ZNF428: variants seen among roughly 807,000 people sequenced by gnomAD.
The protein encoded by ZNF428 is zinc finger protein 428.
Under a neutral mutation model 15.6 loss-of-function variants are expected in ZNF428, and 5 were observed. The observed-to-expected ratio is 0.32, with a 90% confidence interval of 0.17 to 0.67. The LOEUF (loss-of-function observed/expected upper bound fraction) is 0.67. ZNF428 is among the 30% of genes least tolerant of loss of function. The pLI is 0.73. For missense variants in ZNF428, 237 were observed against 256.0 expected (o/e 0.93, Z 0.51); for synonymous variants, 97 against 102.2 (o/e 0.95, Z 0.31).
chr19:43,613,057 C>G (rs1410190923), intron 2 of ZNF428: 1 of 1,551,408 alleles, frequency 6.4e-7, no homozygotes, highest in African/African-American at 1.4e-5. Flanking sequence ...GAAACCATAG[C>G]AGGGCAAGAA....
At position 43,607,382 on chromosome 19, in the gene ZNF428, C is replaced by T; in HGVS notation, c.*235G>A. 3.9e-6 allele frequency: 2 copies of T among 513,406 alleles called. No homozygotes were observed. The highest frequency in any genetic ancestry group is 6.6e-6 in the Non-Finnish European group (2 of 301,850). 31.8% of individuals were successfully genotyped at this position (513,406 alleles called of 1,614,324 possible). On this transcript the variant is annotated 3_prime_UTR_variant, in exon 3 of 3. Transcript: ENST00000300811. The surrounding 1 kb of genome is among the most constrained non-coding windows in gnomAD (Gnocchi z 5.1). ...GGAGCCCAGGGGGAATACACACACA[C>T]ACACACACACACAAACACACACACG... is the stretch of plus-strand genomic sequence containing the variant.
chr19:43,612,631 A>T lies in ZNF428; in HGVS notation c.76+1598T>A, dbSNP rs980965496. On this transcript the variant is annotated intron_variant, in intron 2 of 2. Coordinates refer to ENST00000300811, the MANE Select transcript of ZNF428 (RefSeq NM_182498.4). The surrounding 1 kb of genome is among the most constrained non-coding windows in gnomAD (Gnocchi z 4.2). ...CTTCACAGCAAAAAGGGAGCCGGGG[A>T]AAGAGTTACGGCCGGCCTAGAACCA... 2.6e-6 allele frequency: 4 copies of T among 1,551,492 alleles called. No individual in the cohort carries two copies. The highest frequency in any genetic ancestry group is 2.6e-6 in the Non-Finnish European group (3 of 1,146,960).
rs558259040 is a variant in ZNF428, at chr19:43,612,710, C to T, written c.76+1519G>A. 1.9e-4 allele frequency: 293 copies of T among 1,551,604 alleles called. No homozygotes were observed. The highest frequency in any genetic ancestry group is 2.1e-4 in the Non-Finnish European group (242 of 1,146,990). ...TAGAAATCTGAGCAAGAAGAGTTAC[C>T]GCCCACCAGGAGGCTCAGGTATAGG... is the stretch of plus-strand genomic sequence containing the variant. On this transcript the variant is annotated intron_variant, in intron 2 of 2. Transcript: ENST00000300811. This position sits in a 1 kb window ranked among gnomAD's most constrained non-coding sequence, Gnocchi z 4.2.
rs1262609298 is a variant in ZNF428 at position 43,612,131 on chromosome 19, C to A, written c.76+2098G>T. On this transcript the variant is annotated intron_variant, in intron 2 of 2. Coordinates refer to ENST00000300811, the MANE Select transcript of ZNF428 (RefSeq NM_182498.4). This position sits in a 1 kb window ranked among gnomAD's most constrained non-coding sequence, Gnocchi z 4.2. ...CCCTTTTGCGCCCACCATGTCTTCA[C>A]CTAAGAGATCTTCAAAGCCCAGTAT... The A allele has an allele frequency of 1.3e-6, 2 of 1,551,516 alleles. No homozygotes were observed. Among genetic ancestry groups the A allele is most frequent in the Non-Finnish European group, 8.7e-7 (1 of 1,146,832 alleles).
chr19:43,607,882 A>C lies in ZNF428; in HGVS notation c.302T>G (p.Leu101Arg). 1 of 1,558,860 alleles carries C rather than the reference A, an allele frequency of 6.4e-7. No individual in the cohort carries two copies. The highest frequency in any genetic ancestry group is 8.7e-7 in the Non-Finnish European group (1 of 1,151,358). Residue 101 changes from leucine (L) to arginine (R), a missense_variant, in exon 3 of 3, where the codon CTT (leucine) becomes CGT (arginine). Physicochemically the swap from Leu to Arg is moderately radical, Grantham distance 102. Transcript: ENST00000300811. This position sits in a 1 kb window ranked among gnomAD's most constrained non-coding sequence, Gnocchi z 5.1. ...TGGGGTTCCCGGTGGGGCCTCCCCAAGGGGTGAGCGGCCACAGAGCTGGCA... is the reference window on the plus strand; with the variant it reads ...TGGGGTTCCCGGTGGGGCCTCCCCACGGGGTGAGCGGCCACAGAGCTGGCA... ...QPCQLCGRSP[L>R]GEAPPGTPPC...
At chr19:43,618,647 C>G (rs1172968062) in intron 1 of ZNF428, among the ~76,000 whole-genome samples, 3 of 144,294 alleles carry the variant, frequency 2.1e-5, no homozygotes, top group Non-Finnish European at 4.5e-5. Flanking sequence ...TGGTCTCAAG[C>G]GATCCTCCTG....
chr19:43,608,136 T>A, intron 2 of ZNF428, 29 bp from the exon 3 acceptor site: 1 of 1,590,232 alleles, frequency 6.3e-7, no homozygotes, highest in Non-Finnish European at 8.6e-7. Flanking sequence ...GGGAAGACAG[T>A]GGTATCAGAG....
At chr19:43,613,002 G>C in intron 2 of ZNF428, 1 of 1,551,726 alleles carries the variant, frequency 6.4e-7, no homozygotes, top group Non-Finnish European at 8.7e-7. Flanking sequence ...AGAAGTGGCA[G>C]TCAGAAGAGG....
chr19:43,609,201 C>T (rs1054219504), intron 2 of ZNF428, among the ~76,000 whole-genome samples: 4 of 152,124 alleles, frequency 2.6e-5, no homozygotes, highest in African/African-American at 7.2e-5. Context: ...GGAGGCTAGA[C>T]GACTCACTCC....
intron 1 of ZNF428, among the ~76,000 whole-genome samples, chr19:43,618,841 A>G (rs547501445): frequency 6.6e-6 from 1 of 152,226 alleles, no homozygotes; most frequent in South Asian, 2.1e-4. Flanking sequence ...ACCTGGGACA[A>G]TCAAGACATT....
Position 43,607,571 on chromosome 19 carries a change from C to CG in ZNF428, c.*45_*46insC. The CG allele has an allele frequency of 6.5e-7, 1 of 1,531,264 alleles. No individual in the cohort carries two copies. The highest frequency in any genetic ancestry group is 8.8e-7 in the Non-Finnish European group (1 of 1,138,118). 94.9% of individuals were successfully genotyped at this position (1,531,264 alleles called of 1,614,324 possible). A position where few individuals can be genotyped will look rare whatever the true frequency, so the allele number is the denominator to read the frequency against. ...CAACCCCAATTTCCTCAGCCCCCTC[C>CG]TCCCACCCCACCCCTTCTGCCAAGC... is the stretch of plus-strand genomic sequence containing the variant. On this transcript the variant is annotated 3_prime_UTR_variant, in exon 3 of 3. Transcript: ENST00000300811. The surrounding 1 kb of genome is among the most constrained non-coding windows in gnomAD (Gnocchi z 5.1).
At chr19:43,613,987 C>A (rs1377342873) in intron 2 of ZNF428, 4 of 1,551,690 alleles carry the variant, frequency 2.6e-6, no homozygotes, top group East Asian at 2.4e-5. Flanking sequence ...GATCTAGAAC[C>A]CCCAGCAAAG....
intron 2 of ZNF428, chr19:43,613,508 C>T (rs964889070): frequency 1.4e-5 from 22 of 1,550,860 alleles, no homozygotes; most frequent in Admixed American, 1.4e-4. Context: ...AGATCATAGC[C>T]GATCTAGAAG....
chr19:43,609,366 G>GAGAGAGAGAGAA (rs1555775024), intron 2 of ZNF428, among the ~76,000 whole-genome samples: 2 of 151,862 alleles, frequency 1.3e-5, no homozygotes, highest in African/African-American at 2.4e-5. Flanking sequence ...CATGGAGAGA[G>GAGAGAGAGAGAA]AGAGAGAGAG....
chr19:43,617,111 T>G (rs1973379236), intron 1 of ZNF428, among the ~76,000 whole-genome samples: 1 of 152,052 alleles, frequency 6.6e-6, no homozygotes, highest in Non-Finnish European at 1.5e-5. Context: ...TCCCCCTTTT[T>G]GGCCTGGAGA....
intron 1 of ZNF428, among the ~76,000 whole-genome samples, 165 bp downstream of exon 1, chr19:43,619,393 C>A (rs1168439743): frequency 2.0e-5 from 3 of 152,234 alleles, no homozygotes; most frequent in Non-Finnish European, 4.4e-5. Context: ...TCCCAGGATG[C>A]CCCAGGGCGG....
At position 43,613,401 on chromosome 19, in the gene ZNF428, G is replaced by A. The variant is rs192490029; in HGVS notation, c.76+828C>T. On this transcript the variant is annotated intron_variant, in intron 2 of 2. Coordinates refer to ENST00000300811, the MANE Select transcript of ZNF428 (RefSeq NM_182498.4). ...CCCTACAAGGCGAGAGATCGCAGCC[G>A]ATCTAGAAGTCCCAACAAGGCGAGA... 1,276 of 1,530,216 alleles carry A rather than the reference G, an allele frequency of 8.3e-4. 8 individuals are homozygous for A. The African/African-American group carries it at 9.8e-3, about 12-fold the overall frequency. The allele number at this position is 1,530,216 out of a possible 1,614,324, so 94.8% of individuals were successfully genotyped here. A position where few individuals can be genotyped will look rare whatever the true frequency, so the allele number is the denominator to read the frequency against.
At chr19:43,613,627 C>T (rs1054639358) in intron 2 of ZNF428, 6 of 1,548,554 alleles carry the variant, frequency 3.9e-6, no homozygotes, top group East Asian at 4.9e-5. Context: ...GATCTAGAAG[C>T]CCCAGCAAGG....
At chr19:43,613,071 G>A (rs922665966) in intron 2 of ZNF428, 12 of 1,551,502 alleles carry the variant, frequency 7.7e-6, no homozygotes, top group Admixed American at 2.0e-5. Context: ...GCAAGAAGTC[G>A]CACCCGGAAG....
Sources: gnomAD v4.1 joint callset for allele counts (sites outside exome capture counted in the v4.1 genomes callset) on GRCh38, gnomAD v4.1.1 for gene constraint, Gnocchi (gnomAD v3.1) non-coding constraint, MANE v1.5 for transcripts, NCBI Gene and HGNC (gene_info 2026-07-23, HGNC 2026-07-21) for gene names.